The following ANKRD55 variants were observed in gnomAD, a reference collection of about 807,000 sequenced individuals.
The protein encoded by ANKRD55 is ankyrin repeat domain-containing protein 55.
In ANKRD55, 41 loss-of-function variants were observed where a neutral mutation model predicts 60.6. The observed-to-expected ratio is 0.68, with a 90% CI of 0.53 to 0.88. The LOEUF is 0.88. ANKRD55 is among the 40% of genes least tolerant of loss of function. The pLI is 0.00. For synonymous variants in ANKRD55, 264 were observed against 290.3 expected (o/e 0.91, Z 0.92); for missense variants, 732 against 767.6 (o/e 0.95, Z 0.55).
chr5:56,152,947 T>C (rs1758092840), intron 6 of ANKRD55, among the ~76,000 whole-genome samples: 1 of 152,166 alleles, frequency 6.6e-6, no homozygotes, highest in Non-Finnish European at 1.5e-5. Context: ...TCATTTTAAT[T>C]ATATCAGATT....
At chr5:56,201,302 T>C (rs576043823) in intron 2 of ANKRD55, among the ~76,000 whole-genome samples, 3 of 152,130 alleles carry the variant, frequency 2.0e-5, no homozygotes, top group Admixed American at 2.0e-4. Context: ...TGGGACAACA[T>C]TGCCACCCAC....
Position 56,229,956 on chromosome 5 carries a change from G to A in ANKRD55, c.58+2900C>T, listed in dbSNP as rs184706268. The stretch of plus-strand genomic sequence containing the variant: ...CCCTCATCTGAAATGTGGAAGAGGG[G>A]TAGGTTGGATGACTGGTTCTGCATC... On this transcript the variant is annotated intron_variant, in intron 2 of 11. Coordinates refer to ENST00000341048, the MANE Select transcript of ANKRD55 (RefSeq NM_024669.3). Among the ~76,000 whole-genome samples the A allele has an allele frequency of 3.3e-5, 5 of 152,294 alleles. No homozygotes were observed. The East Asian group carries it at 9.6e-4, about 29-fold the overall frequency.
At chr5:56,215,115 G>C (rs1355008064) in intron 2 of ANKRD55, among the ~76,000 whole-genome samples, 1 of 151,874 alleles carries the variant, frequency 6.6e-6, no homozygotes, top group Non-Finnish European at 1.5e-5. Context: ...TTGTTTTTGT[G>C]TGACCTTGTT....
At chr5:56,121,433 C>T (rs1475730356) in intron 8 of ANKRD55, among the ~76,000 whole-genome samples, 10 of 139,764 alleles carry the variant, frequency 7.2e-5, no homozygotes, top group Admixed American at 5.3e-4. Flanking sequence ...GGTGCAGTGG[C>T]ACAATCTCGG....
chr5:56,171,596 G>C (rs1445358285), intron 4 of ANKRD55, among the ~76,000 whole-genome samples: 1 of 152,196 alleles, frequency 6.6e-6, no homozygotes, highest in African/African-American at 2.4e-5. Flanking sequence ...GCATGCTAAA[G>C]AGGATGTCTC....
At chr5:56,115,151 G>T (rs1177285220) in intron 9 of ANKRD55, among the ~76,000 whole-genome samples, 1 of 151,686 alleles carries the variant, frequency 6.6e-6, no homozygotes, top group Admixed American at 6.6e-5. Context: ...AGTAAGCCAT[G>T]ATTATGCCAC....
At chr5:56,100,965 G>A (rs538654505) in intron 11 of ANKRD55, among the ~76,000 whole-genome samples, 40 of 152,252 alleles carry the variant, frequency 2.6e-4, no homozygotes, top group Admixed American at 2.3e-3. Flanking sequence ...CATCCAAAAC[G>A]TTCACTTTAC....
At chr5:56,203,540 G>C (rs1352585809) in intron 2 of ANKRD55, among the ~76,000 whole-genome samples, 1 of 151,996 alleles carries the variant, frequency 6.6e-6, no homozygotes, top group Non-Finnish European at 1.5e-5. Flanking sequence ...CTGTGTCCAT[G>C]TGTTCTCATT....
chr5:56,122,747 AGGCAAAG>A (rs1004942505), intron 8 of ANKRD55, among the ~76,000 whole-genome samples: 6 of 151,244 alleles, frequency 4.0e-5, no homozygotes, highest in African/African-American at 1.5e-4. Flanking sequence ...GTGTAGGGAG[AGGCAAAG>A]GGCAAAGGGC....
intron 2 of ANKRD55, among the ~76,000 whole-genome samples, chr5:56,227,345 G>A (rs1006994326): frequency 1.2e-4 from 16 of 138,682 alleles, no homozygotes; most frequent in African/African-American, 3.8e-4. Context: ...TTGTGGGGTA[G>A]GGGGAGGGGG....
chr5:56,168,387 C>T (rs113797449), intron 5 of ANKRD55, among the ~76,000 whole-genome samples: 1 of 152,200 alleles, frequency 6.6e-6, no homozygotes. Context: ...ACACTCCGCT[C>T]TCATTAGTCA....
At chr5:56,117,037 T>C (rs1359611742) in intron 8 of ANKRD55, 4 of 366,358 alleles carry the variant, frequency 1.1e-5, no homozygotes, top group African/African-American at 6.4e-5. Context: ...GAAGAGGAAG[T>C]AGTGGGTCAA....
chr5:56,166,099 T>TTTCTTTC (rs1561277622), intron 5 of ANKRD55, among the ~76,000 whole-genome samples: 19 of 38,082 alleles, frequency 5.0e-4, no homozygotes, highest in Non-Finnish European at 1.1e-3. Flanking sequence ...TCTTTCTTTC[T>TTTCTTTC]TTCTTTCTTT....
intron 8 of ANKRD55, among the ~76,000 whole-genome samples, chr5:56,117,319 C>A (rs1005144473): frequency 1.3e-5 from 2 of 152,104 alleles, no homozygotes; most frequent in South Asian, 2.1e-4. Context: ...TGCCTTTTGT[C>A]ATTTTTCTAT....
chr5:56,185,391 G>A (rs551273290), intron 2 of ANKRD55, among the ~76,000 whole-genome samples: 1 of 152,294 alleles, frequency 6.6e-6, no homozygotes, highest in South Asian at 2.1e-4. Context: ...CACTGTTCAG[G>A]TGTGGTGGCT....
Position 56,176,212 on chromosome 5 carries a change from TC to T in ANKRD55, c.251del (p.Gly84GlufsTer28). On this transcript the variant is annotated frameshift_variant, in exon 4 of 12. Transcript: ENST00000341048. LOFTEE classifies it high-confidence loss of function. ...ADTVKLLLKM[G>X]ANINMQDAYG... ...AAGCATCCTGCATGTTAATATTGGCTCCCATCTTCAACAGCAGCTTCACTGT... is the reference window on the plus strand; with the variant it reads ...AAGCATCCTGCATGTTAATATTGGCTCCATCTTCAACAGCAGCTTCACTGT... 1 of 1,614,182 alleles carries T rather than the reference TC, an allele frequency of 6.2e-7. No homozygotes were observed. Among genetic ancestry groups the T allele is most frequent in the Non-Finnish European group, 8.5e-7 (1 of 1,180,030 alleles).
chr5:56,112,715 T>C (rs1226171331), intron 9 of ANKRD55, among the ~76,000 whole-genome samples: 1 of 152,152 alleles, frequency 6.6e-6, no homozygotes, highest in East Asian at 1.9e-4. Context: ...AAATTCTGTG[T>C]GATTCTCTTT....
At chr5:56,163,812 G>T (rs1758387247) in intron 5 of ANKRD55, among the ~76,000 whole-genome samples, 1 of 152,176 alleles carries the variant, frequency 6.6e-6, no homozygotes, top group African/African-American at 2.4e-5. Flanking sequence ...ATATGGCCAG[G>T]TGCGCTGGCT....
At chr5:56,125,276 C>A (rs1757208776) in intron 8 of ANKRD55, among the ~76,000 whole-genome samples, 1 of 151,210 alleles carries the variant, frequency 6.6e-6, no homozygotes, top group Non-Finnish European at 1.5e-5. Context: ...TTACTTTTTT[C>A]TTTTTTCTTT....
Sources: allele counts gnomAD v4.1 joint callset (sites outside exome capture counted in the v4.1 genomes callset), GRCh38; gene constraint gnomAD v4.1.1; transcripts MANE v1.5; gene names NCBI Gene and HGNC (gene_info 2026-07-23, HGNC 2026-07-21).